Variants in ADGRL2 observed in about 807,000 individuals in gnomAD.
ADGRL2 encodes adhesion G protein-coupled receptor L2, also known as calcium-independent alpha-latrotoxin receptor 2.
Under a neutral mutation model 157.4 loss-of-function variants are expected in ADGRL2, and 44 were observed. The ratio of observed to expected loss-of-function variants is 0.28; its 90% confidence interval spans 0.22 to 0.36. ADGRL2 has a LOEUF of 0.36. Among genes scored for constraint, ADGRL2 ranks in the 10% least tolerant of loss-of-function variants. The probability of loss-of-function intolerance (pLI) is 1.00; values close to 1 mark genes in which losing one functional copy is unlikely to be tolerated. For synonymous variants in ADGRL2, 585 were observed against 624.7 expected, an observed-to-expected ratio of 0.94 and a Z score of 0.95; for missense variants, 1,510 against 1,768.9, an observed-to-expected ratio of 0.85 and a Z score of 2.63.
intron 1 of ADGRL2, among the ~76,000 whole-genome samples, chr1:81,306,993 C>T (rs760513260): frequency 2.6e-5 from 4 of 152,096 alleles, no homozygotes; most frequent in Non-Finnish European, 4.4e-5. Flanking sequence ...TGCTGCAAAG[C>T]AAAAAGCTGA....
At chr1:81,692,051 C>G (rs2083351076) in intron 3 of ADGRL2, among the ~76,000 whole-genome samples, 1 of 151,424 alleles carries the variant, frequency 6.6e-6, no homozygotes, top group Non-Finnish European at 1.5e-5. Context: ...CACACATGCA[C>G]AAATAAGCCA....
At chr1:81,437,420 A>G (rs567774648) in intron 1 of ADGRL2, among the ~76,000 whole-genome samples, 220 of 152,332 alleles carry the variant, frequency 1.4e-3, no homozygotes, top group African/African-American at 5.0e-3. Context: ...CCCAGGAAAA[A>G]AAAGAAAAAC....
chr1:81,568,053 T>C (rs2080602658), intron 2 of ADGRL2, among the ~76,000 whole-genome samples: 2 of 151,800 alleles, frequency 1.3e-5, no homozygotes, highest in Admixed American at 6.6e-5. Context: ...TGAAATACAA[T>C]GGCTTCGAAA....
At chr1:81,615,743 G>C (rs1204935512) in intron 3 of ADGRL2, among the ~76,000 whole-genome samples, 1 of 152,158 alleles carries the variant, frequency 6.6e-6, no homozygotes, top group Non-Finnish European at 1.5e-5. Context: ...CTGCTCTGGA[G>C]ACCACAGAAA....
intron 23 of ADGRL2, 129 bp from the exon 24 acceptor site, chr1:81,990,262 A>G (rs979352172): frequency 6.7e-7 from 1 of 1,498,112 alleles, no homozygotes; most frequent in East Asian, 2.3e-5. Flanking sequence ...AAAGCCTGGC[A>G]CTTTTCAAGT....
chr1:81,804,547 A>T (rs1013678928), intron 1 of ADGRL2, among the ~76,000 whole-genome samples: 2 of 152,232 alleles, frequency 1.3e-5, no homozygotes, highest in African/African-American at 4.8e-5. Flanking sequence ...AGGTGGATTC[A>T]GGCTGTGTTT....
chr1:81,377,481 G>A (rs1341306025), intron 1 of ADGRL2, among the ~76,000 whole-genome samples: 1 of 152,064 alleles, frequency 6.6e-6, no homozygotes, highest in East Asian at 1.9e-4. Flanking sequence ...TATCCAGTTA[G>A]TGGCTGGTTG....
intron 3 of ADGRL2, among the ~76,000 whole-genome samples, chr1:81,673,835 A>T (rs1391930824): frequency 1.3e-5 from 2 of 152,016 alleles, no homozygotes; most frequent in Non-Finnish European, 2.9e-5. Context: ...TTTTTTAAAA[A>T]TTTTCCCATA....
At chr1:81,682,101 A>ATGTG (rs1440744581) in intron 3 of ADGRL2, among the ~76,000 whole-genome samples, 1 of 88,328 alleles carries the variant, frequency 1.1e-5, no homozygotes, top group African/African-American at 4.8e-5. Context: ...ATATACATAT[A>ATGTG]TATGTGTGTG....
chr1:81,842,842 C>T (rs1557755652), intron 2 of ADGRL2, among the ~76,000 whole-genome samples: 1 of 152,086 alleles, frequency 6.6e-6, no homozygotes, highest in African/African-American at 2.4e-5. Context: ...AACTACATGG[C>T]CAATGCTGTG....
At chr1:81,408,664 A>C (rs1323273013) in intron 1 of ADGRL2, among the ~76,000 whole-genome samples, 6 of 151,670 alleles carry the variant, frequency 4.0e-5, no homozygotes, top group Non-Finnish European at 4.4e-5. Flanking sequence ...AACTGCCCCC[A>C]AGGGTGTGCA....
chr1:81,601,395 C>T (rs2081331254), intron 3 of ADGRL2, among the ~76,000 whole-genome samples: 2 of 152,112 alleles, frequency 1.3e-5, no homozygotes, highest in Admixed American at 1.3e-4. Flanking sequence ...TCCTGGGGAC[C>T]AGAAGAGACA....
intron 1 of ADGRL2, among the ~76,000 whole-genome samples, chr1:81,333,635 C>G (rs566040293): frequency 6.6e-6 from 1 of 151,848 alleles, no homozygotes; most frequent in Non-Finnish European, 1.5e-5. Flanking sequence ...CCAGGCTGGT[C>G]TTGAACTCTT....
chr1:81,557,021 CAAA>C (rs150664851), intron 2 of ADGRL2: 60 of 147,238 alleles, frequency 4.1e-4, no homozygotes, highest in South Asian at 1.3e-3. Flanking sequence ...GACTCCGTCT[CAAA>C]AAAAAAAAAA....
chr1:81,432,070 C>A (rs1285844157), intron 1 of ADGRL2, among the ~76,000 whole-genome samples: 1 of 152,108 alleles, frequency 6.6e-6, no homozygotes, highest in African/African-American at 2.4e-5. Context: ...TAGTACTGAC[C>A]ACACTTTAAA....
intron 1 of ADGRL2, among the ~76,000 whole-genome samples, chr1:81,313,832 C>T (rs1174570197): frequency 6.6e-6 from 1 of 152,018 alleles, no homozygotes; most frequent in Non-Finnish European, 1.5e-5. Flanking sequence ...CACAGACTGC[C>T]ATTGATTTTT....
intron 1 of ADGRL2, among the ~76,000 whole-genome samples, chr1:81,702,220 A>T (rs1385209055): frequency 6.6e-6 from 1 of 152,178 alleles, no homozygotes; most frequent in African/African-American, 2.4e-5. Flanking sequence ...ATGTAGGTGG[A>T]TATGGGGCAC....
At chr1:81,452,106 T>C (rs1452244314) in intron 2 of ADGRL2, among the ~76,000 whole-genome samples, 1 of 152,100 alleles carries the variant, frequency 6.6e-6, no homozygotes. Flanking sequence ...AGACTGTCGT[T>C]TTTTTATCCT....
chr1:81,666,160 C>T lies in ADGRL2; in HGVS notation c.-143+85180C>T, dbSNP rs531449972. ...GGAAAGGAAATGCTACTGCATGTCA[C>T]AACATCTGTTTAAGTGCATTTATTT... On this transcript the variant is annotated intron_variant, in intron 3 of 24. Transcript: ENST00000370721. 5.9e-5 allele frequency among the ~76,000 whole-genome samples: 9 copies of T among 152,272 alleles called. No individual in the cohort carries two copies. In the South Asian group the frequency reaches 1.9e-3, roughly 32 times the overall value.
Sources: allele counts gnomAD v4.1 joint callset (sites outside exome capture counted in the v4.1 genomes callset), GRCh38; gene constraint gnomAD v4.1.1; transcripts MANE v1.5; gene names NCBI Gene and HGNC (gene_info 2026-07-23, HGNC 2026-07-21).